Variants in CYRIB observed in about 807,000 individuals in gnomAD.
CYRIB encodes CYFIP related Rac1 interactor B.
In CYRIB, 8 loss-of-function variants were observed where a neutral mutation model predicts 44.2. The observed-to-expected ratio is 0.18, with a 90% CI of 0.11 to 0.33. CYRIB has a LOEUF of 0.33. Ranked by LOEUF, CYRIB falls within the 10% of genes least tolerant of loss-of-function variation. CYRIB has a pLI of 1.00. For synonymous variants in CYRIB, 131 were observed against 127.2 expected (o/e 1.03, Z -0.20); for missense variants, 185 against 382.8 (o/e 0.48, Z 4.31).
intron 1 of CYRIB, among the ~76,000 whole-genome samples, chr8:129,914,121 G>A (rs1460880952): frequency 1.3e-5 from 2 of 152,074 alleles, no homozygotes; most frequent in African/African-American, 2.4e-5. Context: ...TTACTTCCCT[G>A]TCCCCAGTGA....
At chr8:129,962,515 A>C (rs1371818635) in intron 2 of CYRIB, among the ~76,000 whole-genome samples, 1 of 152,210 alleles carries the variant, frequency 6.6e-6, no homozygotes, top group African/African-American at 2.4e-5. Context: ...CTAGCCCAGC[A>C]TCTATGGCAT....
intron 1 of CYRIB, among the ~76,000 whole-genome samples, chr8:130,009,440 G>T (rs2134352506): frequency 6.6e-6 from 1 of 152,068 alleles, no homozygotes; most frequent in South Asian, 2.1e-4. Flanking sequence ...GCTAATTTTT[G>T]TATTTTTAGT....
chr8:129,920,823 C>T (rs550116577), intron 1 of CYRIB, among the ~76,000 whole-genome samples: 1 of 152,148 alleles, frequency 6.6e-6, no homozygotes, highest in African/African-American at 2.4e-5. Context: ...CTTACGTATT[C>T]TAGATTTCAC....
In CYRIB at chr8:129,926,336, C is replaced by G. The variant is rs298604; in HGVS notation, c.-50+13272G>C. Among the ~76,000 whole-genome samples the G allele has an allele frequency of 3.7e-3, 561 of 152,086 alleles. 1 individual carries two copies. Among genetic ancestry groups the G allele is most frequent in the African/African-American group, 0.013 (540 of 41,468 alleles). On this transcript the variant is annotated intron_variant, in intron 1 of 11. Coordinates refer to ENST00000519824, the Ensembl canonical transcript of CYRIB. ...TCATTAAGCAATCCAGTTTATCACC[C>G]AATTTAAACACATTACCTTTTTCAA...
chr8:129,907,465 G>T (rs987657077), intron 1 of CYRIB, among the ~76,000 whole-genome samples: 1 of 151,982 alleles, frequency 6.6e-6, no homozygotes, highest in African/African-American at 2.4e-5. Flanking sequence ...GGGAGGTGGG[G>T]ATAGCATTAG....
chr8:129,842,439 C>T (rs1381228771), intron 11 of CYRIB, among the ~76,000 whole-genome samples: 2 of 152,186 alleles, frequency 1.3e-5, no homozygotes, highest in African/African-American at 4.8e-5. Flanking sequence ...AACTACACTG[C>T]TGAAATGATT....
intron 4 of CYRIB, among the ~76,000 whole-genome samples, chr8:129,870,238 C>T (rs1437666775): frequency 6.6e-6 from 1 of 151,936 alleles, no homozygotes; most frequent in Non-Finnish European, 1.5e-5. Context: ...GCCTCGGCAA[C>T]ATGGCAAACC....
At chr8:129,967,453 C>A (rs1360807952) in intron 2 of CYRIB, among the ~76,000 whole-genome samples, 1 of 151,356 alleles carries the variant, frequency 6.6e-6, no homozygotes, top group African/African-American at 2.4e-5. Flanking sequence ...GATCTCGGCT[C>A]ACTGCAAACT....
intron 2 of CYRIB, among the ~76,000 whole-genome samples, chr8:129,887,938 A>T (rs1335294871): frequency 6.6e-6 from 1 of 152,156 alleles, no homozygotes; most frequent in African/African-American, 2.4e-5. Flanking sequence ...CTCAGGTGAG[A>T]CTTTGGACTG....
At chr8:129,872,916 T>C (rs1473741666) in intron 3 of CYRIB, among the ~76,000 whole-genome samples, 1 of 152,052 alleles carries the variant, frequency 6.6e-6, no homozygotes, top group Non-Finnish European at 1.5e-5. Context: ...TAAAGAAACT[T>C]TGTTTACACG....
intron 1 of CYRIB, among the ~76,000 whole-genome samples, chr8:129,926,618 C>T (rs932296035): frequency 1.3e-5 from 2 of 152,162 alleles, no homozygotes; most frequent in African/African-American, 4.8e-5. Context: ...TCTACACTAG[C>T]GGAGAGAAAC....
exon 12 of CYRIB, chr8:129,841,089 G>A (rs2036093310): frequency 6.6e-6 from 1 of 152,082 alleles, no homozygotes; most frequent in South Asian, 2.1e-4. Context: ...CATGGCCTCT[G>A]CTTTTCTCCT....
At chr8:129,917,833 G>A (rs2081520621) in intron 1 of CYRIB, among the ~76,000 whole-genome samples, 1 of 152,048 alleles carries the variant, frequency 6.6e-6, no homozygotes, top group Admixed American at 6.5e-5. Flanking sequence ...CTCCAGCCTG[G>A]GTGACAGAGC....
At chr8:129,927,571 T>C (rs1019923278) in intron 1 of CYRIB, among the ~76,000 whole-genome samples, 4 of 152,132 alleles carry the variant, frequency 2.6e-5, no homozygotes, top group African/African-American at 9.7e-5. Context: ...TATGAATAAA[T>C]GTGGAGAGTA....
At chr8:129,854,492 G>A in intron 6 of CYRIB, 149 bp from the exon 9 acceptor site, 1 of 580,104 alleles carries the variant, frequency 1.7e-6, no homozygotes, top group South Asian at 2.3e-5. Flanking sequence ...ATCCAAGGTG[G>A]CTTATAACTG....
chr8:129,998,415 A>G (rs2096831513), intron 1 of CYRIB, among the ~76,000 whole-genome samples: 1 of 152,220 alleles, frequency 6.6e-6, no homozygotes. Context: ...CTTTGCAGAG[A>G]TCAAAGAGAG....
chr8:129,993,314 A>G (rs1002962122), intron 1 of CYRIB, among the ~76,000 whole-genome samples: 1 of 151,792 alleles, frequency 6.6e-6, no homozygotes, highest in Non-Finnish European at 1.5e-5. Flanking sequence ...AATCACTTGA[A>G]CCCAGGAGGC....
At chr8:129,925,118 C>T (rs146217858) in intron 1 of CYRIB, among the ~76,000 whole-genome samples, 1 of 152,216 alleles carries the variant, frequency 6.6e-6, no homozygotes, top group Non-Finnish European at 1.5e-5. Context: ...AATGTTTAGG[C>T]CGGGAGCGAT....
intron 1 of CYRIB, among the ~76,000 whole-genome samples, chr8:129,906,604 G>C (rs1364923969): frequency 6.6e-6 from 1 of 152,124 alleles, no homozygotes; most frequent in African/African-American, 2.4e-5. Flanking sequence ...TGACAAATGA[G>C]ATCTAATTAA....
Sources: gnomAD v4.1 joint callset for allele counts (sites outside exome capture counted in the v4.1 genomes callset) on GRCh38, gnomAD v4.1.1 for gene constraint, MANE v1.5 for transcripts, NCBI Gene and HGNC (gene_info 2026-07-23, HGNC 2026-07-21) for gene names.